DLX2: variants seen among roughly 807,000 people sequenced by gnomAD.
DLX2 encodes homeobox protein DLX-2.
A neutral mutation model predicts 27.4 loss-of-function variants in DLX2; 8 were observed. The ratio of observed to expected loss-of-function variants is 0.29; its 90% confidence interval spans 0.17 to 0.53. The LOEUF (loss-of-function observed/expected upper bound fraction) is 0.53, where lower values mean the gene tolerates loss of function less well. DLX2 is among the 20% of genes least tolerant of loss of function. The probability of loss-of-function intolerance (pLI) is 0.96; values close to 1 mark genes in which losing one functional copy is unlikely to be tolerated. For missense variants in DLX2, 421 were observed against 450.9 expected, an observed-to-expected ratio of 0.93 and a Z score of 0.60; for synonymous variants, 210 against 200.8, an observed-to-expected ratio of 1.05 and a Z score of -0.39.
Position 172,100,972 on chromosome 2 carries a change from T to G in DLX2, c.586-28A>C, listed in dbSNP as rs777462710. The G allele has an allele frequency of 5.0e-6, 8 of 1,601,152 alleles. No individual in the cohort carries two copies. The East Asian group carries it at 1.6e-4, about 32-fold the overall frequency. On this transcript the variant is annotated intron_variant, in intron 2 of 2. Transcript: ENST00000234198. The surrounding 1 kb of genome is among the most constrained non-coding windows in gnomAD (Gnocchi z 4.5). Reference sequence around the variant, plus strand: ...TTGAGGAAAAAGACCTGAGCATTAGTGGAGGAACCTAGTCTTGGGGCAGTA... The same window carrying G: ...TTGAGGAAAAAGACCTGAGCATTAGGGGAGGAACCTAGTCTTGGGGCAGTA...
At position 172,101,354 on chromosome 2, in the gene DLX2, C is replaced by A. The variant is rs959422900; in HGVS notation, c.585+108G>T. 50 of 1,273,248 alleles carry A rather than the reference C, an allele frequency of 3.9e-5. No individual in the cohort carries two copies. The East Asian group carries it at 1.2e-3, about 32-fold the overall frequency. 78.9% of individuals were successfully genotyped at this position (1,273,248 alleles called of 1,614,324 possible). ...CCGCTCGAGGCGCAGGCCTGGAAAT[C>A]CTTAAAAGTACTTAAAATGAACTTT... On this transcript the variant is annotated intron_variant, in intron 2 of 2. Coordinates refer to ENST00000234198, the MANE Select transcript of DLX2 (RefSeq NM_004405.4).
Position 172,100,767 on chromosome 2 carries a change from G to A in DLX2, c.763C>T (p.Pro255Ser), listed in dbSNP as rs772095698. Residue 255 changes from proline to serine, a missense_variant, in exon 3 of 3, where the codon CCG becomes TCG. Pro to Ser is a moderately conservative substitution (Grantham distance 74). This residue lies in a region of DLX2 where 185 missense variants were observed against 171.1 expected (regional missense o/e 1.08). Coordinates refer to ENST00000234198, the MANE Select transcript of DLX2 (RefSeq NM_004405.4). The surrounding 1 kb of genome is among the most constrained non-coding windows in gnomAD (Gnocchi z 4.5). ...VPQRMAGGGGPGSGGSGAGSS... is the reference protein window; with the variant it reads ...VPQRMAGGGGSGSGGSGAGSS... ...CCGGCGCCGCTGCCGCCACTGCCCG[G>A]ACCACCGCCGCCCGCCATCCGCTGC... The A allele has an allele frequency of 7.6e-6, 12 of 1,576,198 alleles. No homozygotes were observed. The highest frequency in any genetic ancestry group is 6.8e-5 in the African/African-American group (5 of 73,722).
Position 172,100,773 on chromosome 2 carries a change from C to A in DLX2, c.757G>T (p.Gly253Cys), listed in dbSNP as rs775594803. ...FGVPQRMAGG[G>C]GPGSGGSGAG... ...CCGCTGCCGCCACTGCCCGGACCAC[C>A]GCCGCCCGCCATCCGCTGCGGCACA... Residue 253 changes from glycine to cysteine, a missense_variant, in exon 3 of 3, where the codon GGT (glycine) becomes TGT (cysteine). Coordinates refer to ENST00000234198, the MANE Select transcript of DLX2 (RefSeq NM_004405.4). The surrounding 1 kb of genome is among the most constrained non-coding windows in gnomAD (Gnocchi z 4.5). 7 of 1,579,766 alleles carry A rather than the reference C, an allele frequency of 4.4e-6. No homozygotes were observed. The highest frequency in any genetic ancestry group is 4.1e-5 in the African/African-American group (3 of 73,810).
In DLX2 at chr2:172,102,302, G is replaced by A; in HGVS notation, c.237C>T (p.Gly79=). The part of the protein sequence containing the change: ...NQQHPAGGGG[G]GGSPYAHMGS... The stretch of plus-strand genomic sequence containing the variant: ...CCATGTGCGCGTAGGGCGAGCCCCC[G>A]CCGCCGCCGCCGCCCGCCGGGTGCT... The change falls in exon 1 of 3, where the codon GGC becomes GGT. Residue 79 remains glycine (G), a synonymous_variant. Coordinates refer to ENST00000234198, the MANE Select transcript of DLX2 (RefSeq NM_004405.4). 6.3e-7 allele frequency: 1 copy of A among 1,593,004 alleles called. No individual in the cohort carries two copies. Among genetic ancestry groups the A allele is most frequent in the Non-Finnish European group, 8.5e-7 (1 of 1,170,748 alleles).
Position 172,101,650 on chromosome 2 carries a change from C to A in DLX2, c.401-4G>T, listed in dbSNP as rs765099846. 2 of 1,613,550 alleles carry A rather than the reference C, an allele frequency of 1.2e-6. No individual in the cohort carries two copies. Among genetic ancestry groups the A allele is most frequent in the African/African-American group, 1.3e-5 (1 of 74,894 alleles). ...TCAGGCTCAAGGTCCTCCTTCTCTGCAACGATAAAGAATCGTAAGAACAGC... is the reference window on the plus strand; with the variant it reads ...TCAGGCTCAAGGTCCTCCTTCTCTGAAACGATAAAGAATCGTAAGAACAGC... On this transcript the variant is annotated splice_polypyrimidine_tract_variant and splice_region_variant and intron_variant, in intron 1 of 2. Coordinates refer to ENST00000234198, the MANE Select transcript of DLX2 (RefSeq NM_004405.4).
intron 1 of DLX2, among the ~76,000 whole-genome samples, 197 bp from the exon 2 acceptor site, chr2:172,101,843 G>C (rs776344479): frequency 5.3e-5 from 8 of 152,252 alleles, no homozygotes; most frequent in Non-Finnish European, 1.0e-4. Context: ...TCCAGGGAAG[G>C]GGGAGACAAG....
rs1691134542 is a variant in DLX2 at position 172,100,622 on chromosome 2, G to T, written c.908C>A (p.Thr303Asn). The part of the protein sequence containing the change: ...LQATAPLLHP[T>N]QTPQPHHHHH... ...GTGGTGATGCGGCTGCGGGGTCTGA[G>T]TGGGGTGCAGCAGCGGCGCCGTGGC... Residue 303 changes from threonine (T) to asparagine (N), a missense_variant, in exon 3 of 3, where the codon ACT (threonine) becomes AAT (asparagine). Coordinates refer to ENST00000234198, the MANE Select transcript of DLX2 (RefSeq NM_004405.4). This position sits in a 1 kb window ranked among gnomAD's most constrained non-coding sequence, Gnocchi z 4.5. 1.9e-6 allele frequency: 3 copies of T among 1,572,074 alleles called. No individual in the cohort carries two copies. The highest frequency in any genetic ancestry group is 1.7e-6 in the Non-Finnish European group (2 of 1,163,822).
rs552772556 is a variant in DLX2, at chr2:172,101,552, C to A, written c.495G>T (p.Ala165=). 3.0e-4 allele frequency: 488 copies of A among 1,614,188 alleles called. 5 individuals are homozygous for A. In the South Asian group the frequency reaches 4.8e-3, roughly 16 times the overall value. ...PRTIYSSFQL[A]ALQRRFQKTQ... ...TCTTTTGGAAACGCCGCTGAAGAGC[C>A]GCCAGCTGGAAACTGGAGTAGATGG... is the stretch of plus-strand genomic sequence containing the variant. Residue 165 remains alanine, a synonymous_variant, in exon 2 of 3, where the codon GCG becomes GCT. Transcript: ENST00000234198.
chr2:172,102,299 C>CCCG lies in DLX2; in HGVS notation c.237_239dup (p.Gly81dup), dbSNP rs752884221. The CCCG allele has an allele frequency of 8.7e-6, 14 of 1,609,026 alleles. No individual in the cohort carries two copies. The highest frequency in any genetic ancestry group is 4.5e-5 in the East Asian group (2 of 44,710). ...AACCCATGTGCGCGTAGGGCGAGCCCCCGCCGCCGCCGCCGCCCGCCGGGT... is the reference window on the plus strand; with the variant it reads ...AACCCATGTGCGCGTAGGGCGAGCCCCCGCCGCCGCCGCCGCCGCCCGCCGGGT... On this transcript the variant is annotated inframe_insertion, in exon 1 of 3. Coordinates refer to ENST00000234198, the MANE Select transcript of DLX2 (RefSeq NM_004405.4).
chr2:172,100,862 C>T lies in DLX2; in HGVS notation c.668G>A (p.Gly223Glu). The change falls in exon 3 of 3, where the codon GGG becomes GAG. Residue 223 changes from glycine to glutamate, a missense_variant. Physicochemically the swap from Gly to Glu is moderately conservative, Grantham distance 98. This residue lies in a region of DLX2 where 185 missense variants were observed against 171.1 expected (regional missense o/e 1.08). Transcript: ENST00000234198. This position sits in a 1 kb window ranked among gnomAD's most constrained non-coding sequence, Gnocchi z 4.5. ...SGEIPSEQHPGASASPPCASP... is the reference protein window; with the variant it reads ...SGEIPSEQHPEASASPPCASP... ...AGCACAAGGTGGAGAAGCGCTGGCC[C>T]CAGGGTGCTGCTCCGAGGGGATCTC... The T allele has an allele frequency of 6.2e-7, 1 of 1,612,888 alleles. No homozygotes were observed. Among genetic ancestry groups the T allele is most frequent in the Non-Finnish European group, 8.5e-7 (1 of 1,179,864 alleles).
chr2:172,101,583 G>T lies in DLX2; in HGVS notation c.464C>A (p.Pro155His). 1 of 1,614,226 alleles carries T rather than the reference G, an allele frequency of 6.2e-7. No individual in the cohort carries two copies. The highest frequency in any genetic ancestry group is 8.5e-7 in the Non-Finnish European group (1 of 1,180,024). ...CTGGAAACTGGAGTAGATGGTGCGG[G>T]GTTTCCGGACTTTCTTTGGCTTCCC... ...VNGKPKKVRK[P>H]RTIYSSFQLA... Residue 155 changes from proline to histidine, a missense_variant, in exon 2 of 3, where the codon CCC becomes CAC. Pro to His is a moderately conservative substitution (Grantham distance 77). This residue lies in a region of DLX2 where 36 missense variants were observed against 73.6 expected (regional missense o/e 0.49). Transcript: ENST00000234198.
At position 172,102,788 on chromosome 2, in the gene DLX2, A is replaced by AGCGCGG. The variant is rs1259893596; in HGVS notation, c.-256_-251dup. On this transcript the variant is annotated 5_prime_UTR_variant, in exon 1 of 3. Transcript: ENST00000234198. ...CCCGCTCGGCTCCTTGCCCAGCGCG[A>AGCGCGG]GCGCGGGCTCTGGCGGGGGGCGGGC... The AGCGCGG allele has an allele frequency of 5.2e-6, 1 of 193,550 alleles. No homozygotes were observed. The allele number at this position is 193,550 out of a possible 1,614,324, so 12.0% of individuals were successfully genotyped here.
intron 2 of DLX2, 48 bp downstream of exon 2, chr2:172,101,413 GC>G: frequency 2.0e-6 from 3 of 1,527,762 alleles, no homozygotes; most frequent in Non-Finnish European, 2.7e-6. Context: ...CTGCTTCCCA[GC>G]CATCTCAGGC....
chr2:172,102,027 C>A, intron 1 of DLX2, 112 bp downstream of exon 1: 1 of 1,500,116 alleles, frequency 6.7e-7, no homozygotes, highest in African/African-American at 1.4e-5. Context: ...GGGCGGTGAG[C>A]AGGCAGCGTG....
At chr2:172,101,371 A>G in intron 2 of DLX2, 91 bp downstream of exon 2, 1 of 1,345,750 alleles carries the variant, frequency 7.4e-7, no homozygotes, top group Non-Finnish European at 1.0e-6. Context: ...AGTACTTAAA[A>G]TGAACTTTAA....
Position 172,102,458 on chromosome 2 carries a change from C to T in DLX2, c.81G>A (p.Gln27=), listed in dbSNP as rs752045860. Reference sequence around the variant, plus strand: ...CGGCGCCGCCGCCGCTCGGGGGCTGCTGGTGCTGGTGGTACGTGCTGGAGG... The same window carrying T: ...CGGCGCCGCCGCCGCTCGGGGGCTGTTGGTGCTGGTGGTACGTGCTGGAGG... ...IAASSTYHQH[Q]QPPSGGGAGP... Residue 27 remains glutamine (Q), a synonymous_variant, in exon 1 of 3, where the codon CAG becomes CAA. Coordinates refer to ENST00000234198, the MANE Select transcript of DLX2 (RefSeq NM_004405.4). The T allele has an allele frequency of 1.3e-6, 2 of 1,549,822 alleles. No homozygotes were observed. Among genetic ancestry groups the T allele is most frequent in the South Asian group, 2.4e-5 (2 of 83,996 alleles).
Position 172,100,372 on chromosome 2 carries a change from G to T in DLX2, c.*171C>A. On this transcript the variant is annotated 3_prime_UTR_variant, in exon 3 of 3. Coordinates refer to ENST00000234198, the MANE Select transcript of DLX2 (RefSeq NM_004405.4). This position sits in a 1 kb window ranked among gnomAD's most constrained non-coding sequence, Gnocchi z 4.5. Reference sequence around the variant, plus strand: ...GCTGTCCGGTTCCCCCGAGAGAGGGGCCCGTTTGGTGGCCCCGGGAGTGAG... The same window carrying T: ...GCTGTCCGGTTCCCCCGAGAGAGGGTCCCGTTTGGTGGCCCCGGGAGTGAG... 1 of 641,614 alleles carries T rather than the reference G, an allele frequency of 1.6e-6. No individual in the cohort carries two copies. Among genetic ancestry groups the T allele is most frequent in the Non-Finnish European group, 2.4e-6 (1 of 416,722 alleles). 39.7% of individuals were successfully genotyped at this position (641,614 alleles called of 1,614,324 possible).
Position 172,102,641 on chromosome 2 carries a change from G to T in DLX2, c.-103C>A, listed in dbSNP as rs1691186397. 1 of 1,194,482 alleles carries T rather than the reference G, an allele frequency of 8.4e-7. No homozygotes were observed. Among genetic ancestry groups the T allele is most frequent in the African/African-American group, 1.6e-5 (1 of 63,738 alleles). 74.0% of individuals were successfully genotyped at this position (1,194,482 alleles called of 1,614,324 possible). On this transcript the variant is annotated 5_prime_UTR_variant, in exon 1 of 3. Coordinates refer to ENST00000234198, the MANE Select transcript of DLX2 (RefSeq NM_004405.4). ...CCTCCAGCAGCCAATGTAATTACGG[G>T]GGTGGTGGTGGGGAAACAAGAAAGG...
rs547762809 is a variant in DLX2 at position 172,102,252 on chromosome 2, C to A, written c.287G>T (p.Gly96Val). ...HMGSYQYQAS[G>V]LNNVPYSAKS... ...GGCGGAGTAAGGGACGTTGTTGAGG[C>A]CGCTGGCTTGGTACTGGTAGGAACC... Residue 96 changes from glycine to valine, a missense_variant, in exon 1 of 3, where the codon GGC (glycine) becomes GTC (valine). This residue lies in a region of DLX2 where 141 missense variants were observed against 123.5 expected (regional missense o/e 1.14). Transcript: ENST00000234198. 1.2e-6 allele frequency: 2 copies of A among 1,614,176 alleles called. No homozygotes were observed. Among genetic ancestry groups the A allele is most frequent in the African/African-American group, 2.7e-5 (2 of 75,048 alleles).
Sources: gnomAD v4.1 joint callset for allele counts (sites outside exome capture counted in the v4.1 genomes callset) on GRCh38, gnomAD v4.1.1 for gene constraint, gnomAD v4.1.1 regional missense constraint, Gnocchi (gnomAD v3.1) non-coding constraint, MANE v1.5 for transcripts, NCBI Gene and HGNC (gene_info 2026-07-23, HGNC 2026-07-21) for gene names.